The following HAPLN1 variants were observed in gnomAD, a reference collection of about 807,000 sequenced individuals.
HAPLN1 encodes the protein hyaluronan and proteoglycan link protein 1, also known as Cartilage link protein.
In HAPLN1, 13 loss-of-function variants were observed where a neutral mutation model predicts 36.5. That is an observed-to-expected ratio of 0.36 (90% CI 0.23 to 0.57). The LOEUF (loss-of-function observed/expected upper bound fraction) is 0.57. Among genes scored for constraint, HAPLN1 ranks in the 20% least tolerant of loss-of-function variants. The probability of loss-of-function intolerance (pLI) is 0.83; values close to 1 mark genes in which losing one functional copy is unlikely to be tolerated. For synonymous variants in HAPLN1, 202 were observed against 169.8 expected, an observed-to-expected ratio of 1.19 and a Z score of -1.48; for missense variants, 407 against 439.7, an observed-to-expected ratio of 0.93 and a Z score of 0.66.
chr5:83,650,912 T>C (rs918101338), intron 3 of HAPLN1, among the ~76,000 whole-genome samples: 10 of 152,088 alleles, frequency 6.6e-5, no homozygotes, highest in African/African-American at 2.2e-4. Context: ...TTTCAGCATC[T>C]CTAATTGTGT....
intron 1 of HAPLN1, among the ~76,000 whole-genome samples, chr5:83,716,472 A>C (rs1213445329): frequency 6.6e-6 from 1 of 152,210 alleles, no homozygotes; most frequent in African/African-American, 2.4e-5. Context: ...GCCGTAAAAC[A>C]ATCAGTGGAG....
At chr5:83,642,597 G>A (rs894317245) in intron 4 of HAPLN1, among the ~76,000 whole-genome samples, 1 of 152,014 alleles carries the variant, frequency 6.6e-6, no homozygotes, top group South Asian at 2.1e-4. Flanking sequence ...AAATACACAT[G>A]GACTGAAGAT....
intron 1 of HAPLN1, among the ~76,000 whole-genome samples, chr5:83,713,129 CA>C (rs1226667178): frequency 6.6e-6 from 1 of 152,104 alleles, no homozygotes; most frequent in African/African-American, 2.4e-5. Flanking sequence ...GATTTTTAAA[CA>C]ACAAAATGCA....
chr5:83,677,549 G>A (rs1269186595), intron 1 of HAPLN1, among the ~76,000 whole-genome samples: 1 of 152,142 alleles, frequency 6.6e-6, no homozygotes, highest in African/African-American at 2.4e-5. Flanking sequence ...GTCTGGACAT[G>A]GGCAGCCTAT....
intron 2 of HAPLN1, among the ~76,000 whole-genome samples, chr5:83,665,051 T>C (rs179851): frequency 0.35 from 52,848 of 151,858 alleles, 9,389 homozygotes; most frequent in East Asian, 0.54. Flanking sequence ...ATTTAAAACC[T>C]GACAGCATAA....
At chr5:83,718,788 G>A (rs1751965364) in intron 1 of HAPLN1, among the ~76,000 whole-genome samples, 1 of 152,140 alleles carries the variant, frequency 6.6e-6, no homozygotes, top group African/African-American at 2.4e-5. Flanking sequence ...TCTTAAAAAT[G>A]CAATCTGAAA....
intron 2 of HAPLN1, among the ~76,000 whole-genome samples, chr5:83,657,161 A>C (rs566511654): frequency 6.6e-6 from 1 of 151,702 alleles, no homozygotes; most frequent in African/African-American, 2.4e-5. Flanking sequence ...AATGGCACCA[A>C]CTTGGCTCAC....
chr5:83,650,403 A>G (rs1347355110), intron 3 of HAPLN1, among the ~76,000 whole-genome samples: 1 of 145,602 alleles, frequency 6.9e-6, no homozygotes. Flanking sequence ...ATTATTTGAG[A>G]ATCTTTAATG....
chr5:83,679,440 T>TC (rs1229776217), intron 1 of HAPLN1, among the ~76,000 whole-genome samples: 6 of 152,208 alleles, frequency 3.9e-5, no homozygotes, highest in African/African-American at 1.4e-4. Context: ...ATCCTGTTTT[T>TC]CCCCTAACTT....
chr5:83,664,378 C>T (rs1338337512), intron 2 of HAPLN1, among the ~76,000 whole-genome samples: 1 of 152,000 alleles, frequency 6.6e-6, no homozygotes, highest in East Asian at 1.9e-4. Flanking sequence ...CTTTTTTTCC[C>T]TTAAAAACAT....
At chr5:83,655,518 G>T (rs1013618818) in intron 2 of HAPLN1, among the ~76,000 whole-genome samples, 1 of 41,654 alleles carries the variant, frequency 2.4e-5, no homozygotes, top group African/African-American at 9.5e-5. Flanking sequence ...TCACTTTGGG[G>T]TGTGTGTGTG....
chr5:83,673,617 C>T (rs1750787668), intron 1 of HAPLN1, 68 bp from the exon 2 acceptor site: 2 of 827,542 alleles, frequency 2.4e-6, no homozygotes, highest in Admixed American at 2.1e-5. Flanking sequence ...CACTGCACAA[C>T]TTATTACCGC....
chr5:83,697,158 T>G (rs745675565), intron 1 of HAPLN1, among the ~76,000 whole-genome samples: 2 of 152,136 alleles, frequency 1.3e-5, no homozygotes, highest in Non-Finnish European at 2.9e-5. Flanking sequence ...TTCAATGAAT[T>G]TAATGATTCA....
At chr5:83,659,504 G>T (rs541616753) in intron 2 of HAPLN1, among the ~76,000 whole-genome samples, 30 of 152,070 alleles carry the variant, frequency 2.0e-4, no homozygotes, top group Admixed American at 8.5e-4. Context: ...AGGAAGGCTT[G>T]GGAGATTTTC....
intron 1 of HAPLN1, among the ~76,000 whole-genome samples, chr5:83,707,657 C>T (rs1032400807): frequency 6.6e-5 from 10 of 152,062 alleles, no homozygotes; most frequent in Non-Finnish European, 1.2e-4. Context: ...GCAATACCAT[C>T]CTGGAAACAG....
At chr5:83,676,805 T>C (rs1316025106) in intron 1 of HAPLN1, among the ~76,000 whole-genome samples, 2 of 152,168 alleles carry the variant, frequency 1.3e-5, no homozygotes, top group African/African-American at 2.4e-5. Flanking sequence ...AATTCACACA[T>C]TGAAGGTCTC....
chr5:83,649,398 T>G (rs895922527), intron 3 of HAPLN1, among the ~76,000 whole-genome samples: 1 of 152,174 alleles, frequency 6.6e-6, no homozygotes, highest in Non-Finnish European at 1.5e-5. Context: ...CTCATTACCT[T>G]TTGAAAGGCT....
intron 2 of HAPLN1, among the ~76,000 whole-genome samples, chr5:83,670,645 A>G (rs1477745648): frequency 1.3e-5 from 2 of 152,024 alleles, no homozygotes; most frequent in Admixed American, 6.6e-5. Flanking sequence ...AGGGGTCTAC[A>G]CTTGCTATTT....
intron 1 of HAPLN1, among the ~76,000 whole-genome samples, chr5:83,681,850 T>G (rs1751009846): frequency 6.6e-6 from 1 of 152,214 alleles, no homozygotes. Context: ...TTAGAATTTT[T>G]AGGACTGCTT....
Sources: gnomAD v4.1 joint callset for allele counts (sites outside exome capture counted in the v4.1 genomes callset) on GRCh38, gnomAD v4.1.1 for gene constraint, MANE v1.5 for transcripts, NCBI Gene and HGNC (gene_info 2026-07-23, HGNC 2026-07-21) for gene names.